The following CA10 variants were observed in gnomAD, a reference collection of about 807,000 sequenced individuals.
CA10 encodes the protein carbonic anhydrase 10 (inactive).
In CA10, 14 loss-of-function variants were observed where a neutral mutation model predicts 44.2. That is an observed-to-expected ratio of 0.32 (90% CI 0.21 to 0.50). The LOEUF is 0.50. CA10 is among the 20% of genes least tolerant of loss of function. The pLI is 0.99. For synonymous variants in CA10, 159 were observed against 141.6 expected, an observed-to-expected ratio of 1.12 and a Z score of -0.87; for missense variants, 350 against 409.7, an observed-to-expected ratio of 0.85 and a Z score of 1.26.
intron 2 of CA10, among the ~76,000 whole-genome samples, chr17:52,037,186 A>C (rs1236528680): frequency 6.6e-6 from 1 of 152,168 alleles, no homozygotes; most frequent in African/African-American, 2.4e-5. Flanking sequence ...CCAAATTCGA[A>C]ATCCCTGGGT....
intron 1 of CA10, among the ~76,000 whole-genome samples, chr17:52,103,599 C>G (rs1988590728): frequency 6.6e-6 from 1 of 152,262 alleles, no homozygotes; most frequent in South Asian, 2.1e-4. Flanking sequence ...GCTAGCTTCC[C>G]TACTGGATTA....
intron 3 of CA10, among the ~76,000 whole-genome samples, chr17:51,800,115 A>G (rs776669357): frequency 6.6e-6 from 1 of 152,228 alleles, no homozygotes; most frequent in African/African-American, 2.4e-5. Context: ...TCATCAACTG[A>G]TTAGTAGAAA....
intron 1 of CA10, among the ~76,000 whole-genome samples, chr17:52,080,324 C>T (rs1318096871): frequency 1.3e-5 from 2 of 151,778 alleles, no homozygotes; most frequent in Admixed American, 6.6e-5. Flanking sequence ...TGGTGGCCGG[C>T]GCCTGTAGTC....
intron 2 of CA10, among the ~76,000 whole-genome samples, chr17:52,062,736 C>T (rs1234725330): frequency 2.6e-5 from 4 of 152,272 alleles, no homozygotes; most frequent in Non-Finnish European, 4.4e-5. Flanking sequence ...AATGCAAGAG[C>T]AGTGGAAGCT....
In CA10 at chr17:51,949,519, T is replaced by C. The variant is rs1024684379; in HGVS notation, c.137-18387A>G. On this transcript the variant is annotated intron_variant, in intron 2 of 8. Transcript: ENST00000451037. ...GGAAATTTCTACACTTTGATTCCTTTGTCAAAATTTCCACTTAGAGCTGTG... is the reference window on the plus strand; with the variant it reads ...GGAAATTTCTACACTTTGATTCCTTCGTCAAAATTTCCACTTAGAGCTGTG... Among the ~76,000 whole-genome samples the C allele has an allele frequency of 5.3e-5, 8 of 152,310 alleles. No individual in the cohort carries two copies. The East Asian group carries it at 1.5e-3, about 29-fold the overall frequency.
intron 3 of CA10, among the ~76,000 whole-genome samples, chr17:51,765,383 T>A: frequency 6.6e-6 from 1 of 152,188 alleles, no homozygotes; most frequent in East Asian, 1.9e-4. Flanking sequence ...ATCAAAATGA[T>A]GCAATTCAAT....
chr17:51,969,337 C>T (rs1380170180), intron 2 of CA10, among the ~76,000 whole-genome samples: 1 of 152,016 alleles, frequency 6.6e-6, no homozygotes, highest in Non-Finnish European at 1.5e-5. Context: ...CGAGAAAACA[C>T]ACTCATCTAG....
At chr17:52,115,491 G>A (rs1262699311) in intron 1 of CA10, among the ~76,000 whole-genome samples, 1 of 152,172 alleles carries the variant, frequency 6.6e-6, no homozygotes, top group Non-Finnish European at 1.5e-5. Flanking sequence ...CACTCTTGGG[G>A]GTCAGGAATG....
At chr17:51,690,911 CTTT>C (rs143224092) in intron 4 of CA10, among the ~76,000 whole-genome samples, 1 of 150,966 alleles carries the variant, frequency 6.6e-6, no homozygotes, top group Non-Finnish European at 1.5e-5. Flanking sequence ...AATTTCCTTC[CTTT>C]TTTTTTAAGG....
intron 1 of CA10, among the ~76,000 whole-genome samples, chr17:52,137,881 T>G (rs1989393950): frequency 6.6e-6 from 1 of 152,162 alleles, no homozygotes; most frequent in Admixed American, 6.5e-5. Context: ...TTTTCTAGCT[T>G]TCCTTCACCA....
At chr17:51,927,352 T>G (rs1269232410) in intron 3 of CA10, among the ~76,000 whole-genome samples, 1 of 152,178 alleles carries the variant, frequency 6.6e-6, no homozygotes, top group Non-Finnish European at 1.5e-5. Context: ...GTTAAAATGA[T>G]AGAATCGGCA....
chr17:51,955,931 A>G (rs1983649970), intron 2 of CA10, among the ~76,000 whole-genome samples: 1 of 152,108 alleles, frequency 6.6e-6, no homozygotes, highest in Non-Finnish European at 1.5e-5. Context: ...CCACCATGGC[A>G]CGTGTATACC....
At chr17:51,954,508 G>A (rs999362446) in intron 2 of CA10, among the ~76,000 whole-genome samples, 2 of 152,112 alleles carry the variant, frequency 1.3e-5, no homozygotes, top group Admixed American at 6.5e-5. Context: ...GGGCTTAGAG[G>A]ATTTCTAAAT....
chr17:51,779,383 T>G (rs1050834800), intron 3 of CA10, among the ~76,000 whole-genome samples: 1 of 152,174 alleles, frequency 6.6e-6, no homozygotes, highest in Non-Finnish European at 1.5e-5. Flanking sequence ...ATGTGATGCA[T>G]TAATATTGAT....
At chr17:52,034,244 T>C (rs1385090207) in intron 2 of CA10, among the ~76,000 whole-genome samples, 1 of 152,210 alleles carries the variant, frequency 6.6e-6, no homozygotes. Context: ...AAGAAACTTC[T>C]GGAGGTGATA....
chr17:51,778,420 G>T (rs940489842), intron 3 of CA10, among the ~76,000 whole-genome samples: 1 of 152,126 alleles, frequency 6.6e-6, no homozygotes, highest in Admixed American at 6.5e-5. Context: ...CTTGCTCAGG[G>T]GCATAGATCG....
At chr17:51,731,487 A>C (rs908090753) in intron 4 of CA10, among the ~76,000 whole-genome samples, 3 of 152,134 alleles carry the variant, frequency 2.0e-5, no homozygotes, top group Non-Finnish European at 4.4e-5. Flanking sequence ...AGATGTGGAC[A>C]TATCTGATGG....
chr17:51,957,491 T>A (rs1983711126), intron 2 of CA10, among the ~76,000 whole-genome samples: 1 of 151,916 alleles, frequency 6.6e-6, no homozygotes, highest in Non-Finnish European at 1.5e-5. Flanking sequence ...GGCAGGAGAT[T>A]GAGTAGTTCT....
chr17:51,633,383 A>C, intron 8 of CA10, 93 bp downstream of exon 8: 1 of 1,180,792 alleles, frequency 8.5e-7, no homozygotes, highest in Non-Finnish European at 1.2e-6. Flanking sequence ...TCATTCCTAT[A>C]ATGGAAGATA....
Sources: gnomAD v4.1 joint callset for allele counts (sites outside exome capture counted in the v4.1 genomes callset) on GRCh38, gnomAD v4.1.1 for gene constraint, MANE v1.5 for transcripts, NCBI Gene and HGNC (gene_info 2026-07-23, HGNC 2026-07-21) for gene names.